AGMO: variants seen among roughly 807,000 people sequenced by gnomAD.
The protein encoded by AGMO is alkylglycerol monooxygenase.
AGMO carries 75 observed loss-of-function variants against 60.2 expected under a neutral mutation model. The ratio of observed to expected loss-of-function variants is 1.25; its 90% confidence interval spans 1.03 to 1.51. AGMO has a LOEUF of 1.51. AGMO is among the 40% of genes most tolerant of loss of function. AGMO has a pLI of 0.00. For missense variants in AGMO, 763 were observed against 525.5 expected (o/e 1.45, Z -4.42); for synonymous variants, 261 against 177.1 (o/e 1.47, Z -3.76).
intron 10 of AGMO, among the ~76,000 whole-genome samples, chr7:15,375,308 C>A (rs1273241538): frequency 6.6e-6 from 1 of 151,050 alleles, no homozygotes; most frequent in Non-Finnish European, 1.5e-5. Context: ...AATACCTTTT[C>A]ATTATTTTCC....
intron 3 of AGMO, among the ~76,000 whole-genome samples, chr7:15,444,140 G>C (rs1376397256): frequency 1.3e-5 from 2 of 151,836 alleles, no homozygotes; most frequent in Non-Finnish European, 2.9e-5. Context: ...TTTTTATATA[G>C]TATCGAATAT....
chr7:15,366,150 G>T lies in AGMO; in HGVS notation c.1147C>A (p.Leu383Met), dbSNP rs1782970276. ...ILTLTSIGFL[L>M]DQRPKAAIME... is the part of the protein sequence containing the mutation. The stretch of plus-strand genomic sequence containing the variant: ...AATTTCACTTCTTGCCTTTGATCCA[G>T]AAGAAATCCAATGGAAGTCAAGGTC... The change falls in exon 11 of 13, where the codon CTG (leucine) becomes ATG (methionine). Residue 383 changes from leucine to methionine, a missense_variant. Leu to Met is a conservative substitution (Grantham distance 15). Transcript: ENST00000342526. The T allele has an allele frequency of 6.2e-7, 1 of 1,606,670 alleles. No individual in the cohort carries two copies. Among genetic ancestry groups the T allele is most frequent in the African/African-American group, 1.3e-5 (1 of 74,500 alleles).
At chr7:15,432,214 G>A (rs1366065236) in intron 3 of AGMO, among the ~76,000 whole-genome samples, 4 of 151,200 alleles carry the variant, frequency 2.6e-5, no homozygotes, top group African/African-American at 9.7e-5. Context: ...GGAAATATCA[G>A]GTTAATTTTC....
intron 3 of AGMO, among the ~76,000 whole-genome samples, chr7:15,499,909 A>G (rs982984924): frequency 5.0e-5 from 4 of 80,594 alleles, no homozygotes; most frequent in African/African-American, 1.4e-4. Context: ...TGTATTACGC[A>G]CACACACACA....
intron 3 of AGMO, among the ~76,000 whole-genome samples, chr7:15,504,596 G>T (rs1347160666): frequency 6.6e-6 from 1 of 151,922 alleles, no homozygotes; most frequent in East Asian, 1.9e-4. Flanking sequence ...CCTCTGACAT[G>T]AACTTCCGGA....
Position 15,309,260 on chromosome 7 carries a change from C to T in AGMO, c.1263+56254G>A, listed in dbSNP as rs74876543. On this transcript the variant is annotated intron_variant, in intron 12 of 12. Transcript: ENST00000342526. The stretch of plus-strand genomic sequence containing the variant: ...CTTACTGAGCAGTTTTACAGACAGG[C>T]AAGCTGAGTAGGGCCAACATTTTTT... Among the ~76,000 whole-genome samples, 1,044 of 152,170 alleles carry T rather than the reference C, an allele frequency of 6.9e-3. 17 individuals are homozygous for T. Among genetic ancestry groups the T allele is most frequent in the African/African-American group, 0.024 (1,001 of 41,538 alleles).
chr7:15,330,109 TA>T (rs922488964), intron 12 of AGMO, among the ~76,000 whole-genome samples: 48 of 152,188 alleles, frequency 3.2e-4, no homozygotes, highest in African/African-American at 1.1e-3. Flanking sequence ...AATGATTTCT[TA>T]AAAGTTTTTG....
At chr7:15,194,047 C>A in the AGMO span, among the ~76,000 whole-genome samples, 4 of 152,084 alleles carry the variant, frequency 2.6e-5, no homozygotes, top group Non-Finnish European at 4.4e-5. Flanking sequence ...TTAGAAAGAA[C>A]ACTGCTTTGT....
chr7:15,344,250 A>G (rs1251497919), intron 12 of AGMO, among the ~76,000 whole-genome samples: 1 of 152,222 alleles, frequency 6.6e-6, no homozygotes, highest in Non-Finnish European at 1.5e-5. Context: ...TACAATATTT[A>G]TGTACCAATT....
At chr7:15,300,094 T>C (rs949799333) in intron 12 of AGMO, among the ~76,000 whole-genome samples, 2 of 151,826 alleles carry the variant, frequency 1.3e-5, no homozygotes, top group Admixed American at 6.6e-5. Context: ...TTGGAAGTAA[T>C]AGAAAGGAAA....
intron 12 of AGMO, among the ~76,000 whole-genome samples, chr7:15,357,755 GC>G (rs2128557606): frequency 6.6e-6 from 1 of 152,276 alleles, no homozygotes; most frequent in Admixed American, 6.5e-5. Context: ...TTCCACATTC[GC>G]TTTTATCTGA....
intron 12 of AGMO, among the ~76,000 whole-genome samples, chr7:15,211,821 C>T (rs1051749453): frequency 1.1e-4 from 17 of 152,036 alleles, no homozygotes; most frequent in African/African-American, 4.1e-4. Context: ...CATGCATAAA[C>T]ATTTTCTACA....
In AGMO at chr7:15,403,281, ACT is replaced by A. The variant is rs372883719; in HGVS notation, c.610-9104_610-9103del. Among the ~76,000 whole-genome samples the A allele has an allele frequency of 3.1e-3, 473 of 151,860 alleles. 3 individuals are homozygous for A. Among genetic ancestry groups the A allele is most frequent in the African/African-American group, 0.011 (454 of 41,482 alleles). ...TTTCCTGTAGTGCAGATTTGCAAAT[ACT>A]CTCATTGGTTATTACTGAAGAGAAT... On this transcript the variant is annotated intron_variant, in intron 5 of 12. Transcript: ENST00000342526.
chr7:15,216,763 T>C (rs1405147691), intron 12 of AGMO, among the ~76,000 whole-genome samples: 3 of 151,824 alleles, frequency 2.0e-5, no homozygotes, highest in East Asian at 3.9e-4. Flanking sequence ...CTAGGATCAA[T>C]AGATCAACAC....
intron 3 of AGMO, among the ~76,000 whole-genome samples, chr7:15,462,949 T>C (rs917874531): frequency 2.6e-5 from 4 of 152,126 alleles, no homozygotes; most frequent in African/African-American, 9.7e-5. Context: ...CGTCAGGTTG[T>C]TTGGATTCCC....
the AGMO span, among the ~76,000 whole-genome samples, chr7:15,133,208 G>C: frequency 2.6e-5 from 4 of 152,096 alleles, no homozygotes; most frequent in Non-Finnish European, 5.9e-5. Context: ...GAGTATGCTA[G>C]GAAATGATTG....
chr7:15,360,320 G>A (rs1275029245), intron 12 of AGMO, among the ~76,000 whole-genome samples: 3 of 152,122 alleles, frequency 2.0e-5, no homozygotes, highest in African/African-American at 7.2e-5. Context: ...GGAGGTTAGT[G>A]GGGCCAACCC....
At chr7:15,218,327 A>ATGTGTGTGTGTGTGTGTGTGTGTG (rs138890087) in intron 12 of AGMO, among the ~76,000 whole-genome samples, 2 of 143,930 alleles carry the variant, frequency 1.4e-5, no homozygotes, top group African/African-American at 5.2e-5. Flanking sequence ...TGGTGTGTGT[A>ATGTGTGTGTGTGTGTGTGTGTGTG]TGTGTGTGTG....
At chr7:15,483,720 T>C (rs1013720886) in intron 3 of AGMO, among the ~76,000 whole-genome samples, 2 of 152,322 alleles carry the variant, frequency 1.3e-5, no homozygotes, top group East Asian at 3.9e-4. Flanking sequence ...TATTCTAGAT[T>C]GGAAAACTTG....
Sources: gnomAD v4.1 joint callset for allele counts (sites outside exome capture counted in the v4.1 genomes callset) on GRCh38, gnomAD v4.1.1 for gene constraint, MANE v1.5 for transcripts, NCBI Gene and HGNC (gene_info 2026-07-23, HGNC 2026-07-21) for gene names.